CPA6: variants seen among roughly 807,000 people sequenced by gnomAD.
The protein encoded by CPA6 is carboxypeptidase A6.
A neutral mutation model predicts 63.3 loss-of-function variants in CPA6; 58 were observed. The observed-to-expected ratio is 0.92, with a 90% confidence interval of 0.74 to 1.14. The LOEUF is 1.14. CPA6 is among the 50% of genes most tolerant of loss of function. The pLI, the probability that CPA6 is intolerant of heterozygous loss-of-function variation, is 0.00. For synonymous variants in CPA6, 185 were observed against 179.0 expected, an observed-to-expected ratio of 1.03 and a Z score of -0.27; for missense variants, 565 against 526.6, an observed-to-expected ratio of 1.07 and a Z score of -0.71.
intron 2 of CPA6, among the ~76,000 whole-genome samples, chr8:67,572,246 C>T (rs1027051697): frequency 7.9e-5 from 12 of 152,166 alleles, no homozygotes; most frequent in African/African-American, 2.9e-4. Context: ...ACTCATGCTG[C>T]AATTTGATCC....
At chr8:67,697,663 GT>G (rs952641986) in intron 1 of CPA6, among the ~76,000 whole-genome samples, 2 of 152,040 alleles carry the variant, frequency 1.3e-5, no homozygotes, top group Non-Finnish European at 2.9e-5. Context: ...TGTAAAAAAT[GT>G]TTTTTACTGA....
chr8:67,635,092 T>C (rs886940941), intron 1 of CPA6, among the ~76,000 whole-genome samples: 1 of 151,440 alleles, frequency 6.6e-6, no homozygotes, highest in Non-Finnish European at 1.5e-5. Context: ...CTTGTTATGT[T>C]GCCCAGGCTG....
intron 1 of CPA6, among the ~76,000 whole-genome samples, chr8:67,649,887 G>A (rs560964923): frequency 1.3e-5 from 2 of 152,170 alleles, no homozygotes; most frequent in Non-Finnish European, 2.9e-5. Context: ...AAGCGGCAAA[G>A]TGACAACATT....
rs1816639862 is a variant in CPA6 at position 67,683,349 on chromosome 8, T to C, written c.117-59098A>G. Among the ~76,000 whole-genome samples, 3 of 152,212 alleles carry C rather than the reference T, an allele frequency of 2.0e-5. 1 individual carries two copies. Among genetic ancestry groups the C allele is most frequent in the African/African-American group, 7.2e-5 (3 of 41,454 alleles). ...TACTTAATTTGCCTCATCATATCAC[T>C]TGACATTTGAACTACTGGAATTTTT... On this transcript the variant is annotated intron_variant, in intron 1 of 10. Transcript: ENST00000297770.
In CPA6 at chr8:67,526,636, G is replaced by A. The variant is rs112606218; in HGVS notation, c.193-8589C>T. On this transcript the variant is annotated intron_variant, in intron 2 of 10. Coordinates refer to ENST00000297770, the MANE Select transcript of CPA6 (RefSeq NM_020361.5). Reference sequence around the variant, plus strand: ...ACAGTTAATGGTATCACAGAGGATGGGTGGGAACTCCCAGCACTATCAGGC... The same window carrying A: ...ACAGTTAATGGTATCACAGAGGATGAGTGGGAACTCCCAGCACTATCAGGC... 3.3e-4 allele frequency among the ~76,000 whole-genome samples: 50 copies of A among 152,214 alleles called. 1 individual carries two copies. Among genetic ancestry groups the A allele is most frequent in the African/African-American group, 6.3e-4 (26 of 41,534 alleles).
intron 6 of CPA6, among the ~76,000 whole-genome samples, chr8:67,490,611 T>C (rs1221835758): frequency 1.3e-5 from 2 of 152,324 alleles, no homozygotes; most frequent in East Asian, 3.9e-4. Context: ...TTGGAACTGA[T>C]TGGGGCATTT....
intron 2 of CPA6, among the ~76,000 whole-genome samples, chr8:67,611,784 T>C (rs1814812832): frequency 6.6e-6 from 1 of 152,148 alleles, no homozygotes; most frequent in South Asian, 2.1e-4. Flanking sequence ...CAAGTTTTGC[T>C]CATACCAAAG....
chr8:67,574,033 A>G (rs964077740), intron 2 of CPA6, among the ~76,000 whole-genome samples: 2 of 152,056 alleles, frequency 1.3e-5, no homozygotes, highest in African/African-American at 4.8e-5. Flanking sequence ...TGATCTACAG[A>G]TTTAATGCAA....
At chr8:67,535,943 C>A (rs1354586922) in intron 2 of CPA6, among the ~76,000 whole-genome samples, 1 of 152,204 alleles carries the variant, frequency 6.6e-6, no homozygotes, top group Non-Finnish European at 1.5e-5. Flanking sequence ...GTTTTCCCAA[C>A]ACCATTTATT....
Position 67,643,276 on chromosome 8 carries a change from G to A in CPA6, c.117-19025C>T, listed in dbSNP as rs184549293. Among the ~76,000 whole-genome samples, 42 of 152,178 alleles carry A rather than the reference G, an allele frequency of 2.8e-4. 1 individual carries two copies. The South Asian group carries it at 5.8e-3, about 21-fold the overall frequency. On this transcript the variant is annotated intron_variant, in intron 1 of 10. Coordinates refer to ENST00000297770, the MANE Select transcript of CPA6 (RefSeq NM_020361.5). ...GAGGTAGGAGAGTCATACAGGAATC[G>A]CAGCTTTATGTCATAATCACAAAAC...
chr8:67,607,143 T>TC lies in CPA6; in HGVS notation c.192+17032dup, dbSNP rs532857114. On this transcript the variant is annotated intron_variant, in intron 2 of 10. Coordinates refer to ENST00000297770, the MANE Select transcript of CPA6 (RefSeq NM_020361.5). ...CTCCTCCTCCTCCTCCTCCCCCTCCTCCCCCCCCTCCTCTTCTTCTTCTTC... is the reference window on the plus strand; with the variant it reads ...CTCCTCCTCCTCCTCCTCCCCCTCCTCCCCCCCCCTCCTCTTCTTCTTCTTC... Among the ~76,000 whole-genome samples, 41 of 26,704 alleles carry TC rather than the reference T, an allele frequency of 1.5e-3. 1 individual carries two copies. Among genetic ancestry groups the TC allele is most frequent in the African/African-American group, 4.5e-3 (13 of 2,894 alleles). The allele number at this position is 26,704 out of a possible 152,430, so 17.5% of individuals were successfully genotyped here.
chr8:67,469,088 G>A (rs998238481), intron 8 of CPA6, among the ~76,000 whole-genome samples: 2 of 152,164 alleles, frequency 1.3e-5, no homozygotes, highest in East Asian at 1.9e-4. Context: ...ACATGTGTGC[G>A]TATTTATATC....
At chr8:67,472,325 G>C (rs1811076053) in intron 8 of CPA6, among the ~76,000 whole-genome samples, 1 of 151,902 alleles carries the variant, frequency 6.6e-6, no homozygotes, top group African/African-American at 2.4e-5. Flanking sequence ...ATTTTTATGT[G>C]CTGCTTACTC....
chr8:67,449,119 G>T (rs1033146324), intron 8 of CPA6, among the ~76,000 whole-genome samples: 1 of 152,130 alleles, frequency 6.6e-6, no homozygotes, highest in Non-Finnish European at 1.5e-5. Flanking sequence ...AGGTGTGGCG[G>T]TGCATGCTTG....
At chr8:67,742,409 G>A (rs970674829) in intron 1 of CPA6, among the ~76,000 whole-genome samples, 1 of 152,162 alleles carries the variant, frequency 6.6e-6, no homozygotes, top group African/African-American at 2.4e-5. Flanking sequence ...AGAGTGAGAA[G>A]TACAGTGGTG....
chr8:67,549,596 G>A (rs1812896040), intron 2 of CPA6, among the ~76,000 whole-genome samples: 1 of 152,142 alleles, frequency 6.6e-6, no homozygotes, highest in African/African-American at 2.4e-5. Flanking sequence ...TATTTATCAT[G>A]TACAGTTGAA....
At chr8:67,546,264 G>A (rs1812816883) in intron 2 of CPA6, among the ~76,000 whole-genome samples, 1 of 152,196 alleles carries the variant, frequency 6.6e-6, no homozygotes, top group African/African-American at 2.4e-5. Context: ...AGCTTGGTGA[G>A]CTTCCTGGTA....
At chr8:67,539,615 C>T (rs144723942) in intron 2 of CPA6, among the ~76,000 whole-genome samples, 263 of 152,262 alleles carry the variant, frequency 1.7e-3, no homozygotes, top group African/African-American at 5.5e-3. Context: ...CAATTCTCCC[C>T]GTCACTTTCA....
chr8:67,537,596 C>A (rs1463494252), intron 2 of CPA6, among the ~76,000 whole-genome samples: 10 of 150,994 alleles, frequency 6.6e-5, no homozygotes, highest in African/African-American at 2.4e-4. Flanking sequence ...TTCTTATTAG[C>A]CTGTCTAGTG....
Sources: gnomAD v4.1 joint callset for allele counts (sites outside exome capture counted in the v4.1 genomes callset) on GRCh38, gnomAD v4.1.1 for gene constraint, MANE v1.5 for transcripts, NCBI Gene and HGNC (gene_info 2026-07-23, HGNC 2026-07-21) for gene names.